Variants in PPFIA1 observed in about 807,000 individuals in gnomAD.
The protein encoded by PPFIA1 is liprin-alpha-1.
PPFIA1 carries 25 observed loss-of-function variants against 149.9 expected under a neutral mutation model. The ratio of observed to expected loss-of-function variants is 0.17; its 90% confidence interval spans 0.12 to 0.23. The LOEUF is 0.23. PPFIA1 is among the 10% of genes least tolerant of loss of function. PPFIA1 has a pLI of 1.00. For synonymous variants in PPFIA1, 549 were observed against 552.8 expected (o/e 0.99, Z 0.10); for missense variants, 1,362 against 1,506.5 (o/e 0.90, Z 1.59).
At chr11:70,275,305 T>C (rs1254613320) in intron 2 of PPFIA1, among the ~76,000 whole-genome samples, 2 of 152,246 alleles carry the variant, frequency 1.3e-5, no homozygotes, top group Admixed American at 1.3e-4. Context: ...GTTTTGTTTT[T>C]TACTGATTTG....
At chr11:70,364,008 C>T (rs1424899884) in intron 21 of PPFIA1, among the ~76,000 whole-genome samples, 1 of 152,210 alleles carries the variant, frequency 6.6e-6, no homozygotes, top group Non-Finnish European at 1.5e-5. Flanking sequence ...TACAGGCATG[C>T]ACAGCCATGC....
intron 16 of PPFIA1, among the ~76,000 whole-genome samples, chr11:70,351,291 A>G (rs549959975): frequency 2.2e-4 from 34 of 152,290 alleles, no homozygotes; most frequent in Non-Finnish European, 3.5e-4. Context: ...ATGCTTATTC[A>G]TAGATGTAGT....
chr11:70,315,764 C>T (rs1445129528), intron 2 of PPFIA1, among the ~76,000 whole-genome samples: 2 of 144,316 alleles, frequency 1.4e-5, no homozygotes, highest in East Asian at 2.1e-4. Context: ...ACCCAGTTCA[C>T]GGCATTAAGT....
In PPFIA1 at chr11:70,372,503, G is replaced by A. The variant is rs752073722; in HGVS notation, c.3068G>A (p.Cys1023Tyr). ...AACAGTTTCCAGTGTGGAATTATGT[G>A]CCTGAGAAGGTTAAATTATGACCGG... is the stretch of plus-strand genomic sequence containing the variant. ...HRNSFQCGIMCLRRLNYDRKE... is the reference protein window; with the variant it reads ...HRNSFQCGIMYLRRLNYDRKE... The change falls in exon 23 of 28, where the codon TGC becomes TAC. Residue 1023 changes from cysteine to tyrosine, a missense_variant. By Grantham distance (194) the Cys-to-Tyr change is radical. Transcript: ENST00000253925. The A allele has an allele frequency of 1.9e-6, 3 of 1,614,000 alleles. No individual in the cohort carries two copies. Among genetic ancestry groups the A allele is most frequent in the Non-Finnish European group, 1.7e-6 (2 of 1,179,890 alleles).
Position 70,338,308 on chromosome 11 carries a change from T to C in PPFIA1, c.1492-66T>C, listed in dbSNP as rs1365912915. The C allele has an allele frequency of 1.5e-5, 19 of 1,280,882 alleles. No homozygotes were observed. The Admixed American group carries it at 3.1e-4, about 21-fold the overall frequency. The allele number at this position is 1,280,882 out of a possible 1,614,324, so 79.3% of individuals were successfully genotyped here. A position where few individuals can be genotyped will look rare whatever the true frequency, so the allele number is the denominator to read the frequency against. On this transcript the variant is annotated intron_variant, in intron 12 of 27. Coordinates refer to ENST00000253925, the MANE Select transcript of PPFIA1 (RefSeq NM_003626.5). Reference sequence around the variant, plus strand: ...GGGTTATGCCCAACATCTGAGCACATTTGAAGTAAGTGGTTTTAAAATCTA... The same window carrying C: ...GGGTTATGCCCAACATCTGAGCACACTTGAAGTAAGTGGTTTTAAAATCTA...
At position 70,378,180 on chromosome 11, in the gene PPFIA1, A is replaced by C. The variant is rs377595494; in HGVS notation, c.3535A>C (p.Lys1179Gln). Reference sequence around the variant, plus strand: ...GTCTTCCCCCTCTATGCAGCCAAAGAAGATGCAGATGGACGGTATGTGATG... The same window carrying C: ...GTCTTCCCCCTCTATGCAGCCAAAGCAGATGCAGATGGACGGTATGTGATG... ...SMSSPSMQPK[K>Q]MQMDGNVSGT... The change falls in exon 26 of 28, where the codon AAG (lysine) becomes CAG (glutamine). Residue 1179 changes from lysine to glutamine, a missense_variant. Lys to Gln is a moderately conservative substitution (Grantham distance 53). Around this residue, in one of 7 missense-constraint regions of PPFIA1, gnomAD observed 349 missense variants for 373.3 expected, o/e 0.93. Transcript: ENST00000253925. 7 of 1,613,972 alleles carry C rather than the reference A, an allele frequency of 4.3e-6. No homozygotes were observed. In the African/African-American group the frequency reaches 9.3e-5, roughly 22 times the overall value.
intron 14 of PPFIA1, among the ~76,000 whole-genome samples, chr11:70,340,694 T>TCGA (rs1179630198): frequency 6.6e-6 from 1 of 152,028 alleles, no homozygotes; most frequent in Non-Finnish European, 1.5e-5. Flanking sequence ...ACACAAACAG[T>TCGA]CGACAGATAG....
At chr11:70,273,648 C>T (rs34141396) in intron 2 of PPFIA1, among the ~76,000 whole-genome samples, 32,002 of 152,060 alleles carry the variant, frequency 0.21, 3,587 homozygotes, top group South Asian at 0.26. Context: ...ATAAGCCAAA[C>T]GTGGGTTTCC....
intron 18 of PPFIA1, 33 bp downstream of exon 18, chr11:70,355,844 C>T: frequency 1.3e-6 from 2 of 1,583,278 alleles, no homozygotes; most frequent in Non-Finnish European, 1.7e-6. Context: ...TCTCAGCACC[C>T]AGGGGTCGGG....
rs2055505804 is a variant in PPFIA1 at position 70,343,828 on chromosome 11, G to A, written c.1867G>A (p.Ala623Thr). ...SVDLLSPSGQ[A>T]DAHTLAMMLQ... Reference sequence around the variant, plus strand: ...TGACCTGCTATCGCCCAGCGGGCAGGCCGACGCGCACACACTAGCCATGAT... The same window carrying A: ...TGACCTGCTATCGCCCAGCGGGCAGACCGACGCGCACACACTAGCCATGAT... Residue 623 changes from alanine to threonine, a missense_variant, in exon 15 of 28, where the codon GCC (alanine) becomes ACC (threonine). This residue lies in a region of PPFIA1 where 733 missense variants were observed against 744.1 expected (regional missense o/e 0.99). Coordinates refer to ENST00000253925, the MANE Select transcript of PPFIA1 (RefSeq NM_003626.5). 1 of 1,614,178 alleles carries A rather than the reference G, an allele frequency of 6.2e-7. No homozygotes were observed. The highest frequency in any genetic ancestry group is 8.5e-7 in the Non-Finnish European group (1 of 1,180,032).
chr11:70,381,746 G>C (rs2057723082), intron 26 of PPFIA1, among the ~76,000 whole-genome samples: 1 of 152,228 alleles, frequency 6.6e-6, no homozygotes, highest in South Asian at 2.1e-4. Flanking sequence ...AGCCCCATTG[G>C]TCTATGAATG....
intron 10 of PPFIA1, 139 bp from the exon 11 acceptor site, chr11:70,335,424 T>G: frequency 1.1e-6 from 1 of 951,436 alleles, no homozygotes; most frequent in Non-Finnish European, 1.6e-6. Flanking sequence ...CATGCAAAAG[T>G]CCACTCAAGA....
chr11:70,295,993 C>T lies in PPFIA1; in HGVS notation c.264+23557C>T, dbSNP rs1361012684. Among the ~76,000 whole-genome samples, 7 of 152,014 alleles carry T rather than the reference C, an allele frequency of 4.6e-5. No individual in the cohort carries two copies. The South Asian group carries it at 1.0e-3, about 23-fold the overall frequency. On this transcript the variant is annotated intron_variant, in intron 2 of 27. Transcript: ENST00000253925. The stretch of plus-strand genomic sequence containing the variant: ...GGCGGCTGGGCAGAGACGCTCCTCA[C>T]CTCCCAGACGGGGTCGCGACCGGGC...
At chr11:70,382,897 A>AG (rs1374707059) in intron 27 of PPFIA1, 106 bp from the exon 28 acceptor site, 1 of 334,622 alleles carries the variant, frequency 3.0e-6, no homozygotes, top group Non-Finnish European at 5.6e-6. Flanking sequence ...CCTGGAGGGG[A>AG]GGGGTCAGTG....
At chr11:70,321,470 T>C (rs941298513) in intron 2 of PPFIA1, 2 of 152,182 alleles carry the variant, frequency 1.3e-5, no homozygotes, top group African/African-American at 4.8e-5. Flanking sequence ...TACAGAGCTG[T>C]GCATTTACTG....
chr11:70,355,663 C>G lies in PPFIA1; in HGVS notation c.2340C>G (p.Pro780=). 1 of 1,611,640 alleles carries G rather than the reference C, an allele frequency of 6.2e-7. No homozygotes were observed. Among genetic ancestry groups the G allele is most frequent in the Non-Finnish European group, 8.5e-7 (1 of 1,179,194 alleles). ...GCTCCACAGGCTCCCAGGATGGTCCCGTGAGCAACCCCAGCAGTAGCAACA... is the reference window on the plus strand; with the variant it reads ...GCTCCACAGGCTCCCAGGATGGTCCGGTGAGCAACCCCAGCAGTAGCAACA... ...IRNSTGSQDG[P]VSNPSSSNSS... is the part of the protein sequence containing the mutation. Residue 780 remains proline (P), a synonymous_variant, in exon 18 of 28, where the codon CCC becomes CCG. Coordinates refer to ENST00000253925, the MANE Select transcript of PPFIA1 (RefSeq NM_003626.5).
At chr11:70,348,510 G>T in intron 16 of PPFIA1, 90 bp downstream of exon 16, 2 of 1,059,388 alleles carry the variant, frequency 1.9e-6, no homozygotes, top group Non-Finnish European at 1.4e-6. Context: ...AGAAAATCAA[G>T]TACATTCGTT....
intron 2 of PPFIA1, among the ~76,000 whole-genome samples, chr11:70,285,345 A>T (rs1049334970): frequency 6.6e-6 from 1 of 152,124 alleles, no homozygotes; most frequent in Non-Finnish European, 1.5e-5. Flanking sequence ...TGGTTAGAGT[A>T]GAGCCACTTC....
In PPFIA1 at chr11:70,337,689, TG is replaced by T. The variant is rs2055067972; in HGVS notation, c.1491+263del. 1.3e-5 allele frequency among the ~76,000 whole-genome samples: 2 copies of T among 152,250 alleles called. 1 individual carries two copies. Among genetic ancestry groups the T allele is most frequent in the Non-Finnish European group, 2.9e-5 (2 of 68,044 alleles). On this transcript the variant is annotated intron_variant, in intron 12 of 27. Coordinates refer to ENST00000253925, the MANE Select transcript of PPFIA1 (RefSeq NM_003626.5). ...GCTAAAATATTAGCATCAATGACAG[TG>T]CTGTCCAACAGAAATATAATATGAG... is the stretch of plus-strand genomic sequence containing the variant.
Sources: gnomAD v4.1 joint callset for allele counts (sites outside exome capture counted in the v4.1 genomes callset) on GRCh38, gnomAD v4.1.1 for gene constraint, gnomAD v4.1.1 regional missense constraint, MANE v1.5 for transcripts, NCBI Gene and HGNC (gene_info 2026-07-23, HGNC 2026-07-21) for gene names.